Variants in NRG3 observed in about 807,000 individuals in gnomAD.
NRG3 encodes the protein neuregulin 3, also known as pro-neuregulin-3, membrane-bound isoform.
A neutral mutation model predicts 66.9 loss-of-function variants in NRG3; 31 were observed. That is an observed-to-expected ratio of 0.46 (90% CI 0.35 to 0.63). The LOEUF is 0.63. NRG3 is among the 20% of genes least tolerant of loss of function. The pLI, the probability that NRG3 is intolerant of heterozygous loss-of-function variation, is 0.00. For synonymous variants in NRG3, 393 were observed against 359.4 expected, an observed-to-expected ratio of 1.09 and a Z score of -1.06; for missense variants, 910 against 878.9, an observed-to-expected ratio of 1.04 and a Z score of -0.45.
At chr10:82,652,586 G>A (rs560125576) in intron 2 of NRG3, among the ~76,000 whole-genome samples, 1 of 152,230 alleles carries the variant, frequency 6.6e-6, no homozygotes, top group East Asian at 1.9e-4. Flanking sequence ...CTCTCTGCTG[G>A]CTGAGCCTGG....
chr10:82,026,730 T>C (rs1564749008), intron 1 of NRG3, among the ~76,000 whole-genome samples: 1 of 151,968 alleles, frequency 6.6e-6, no homozygotes, highest in Non-Finnish European at 1.5e-5. Context: ...AACCTTCTTA[T>C]TTCTGAAAAA....
chr10:82,669,789 G>A (rs928027313), intron 2 of NRG3, among the ~76,000 whole-genome samples: 5 of 151,944 alleles, frequency 3.3e-5, no homozygotes, highest in Admixed American at 6.6e-5. Flanking sequence ...TAAGCCGGGC[G>A]TGGTGGTGGG....
chr10:82,551,602 T>C (rs1274807869), intron 2 of NRG3, among the ~76,000 whole-genome samples: 3 of 123,584 alleles, frequency 2.4e-5, no homozygotes, highest in Non-Finnish European at 3.2e-5. Flanking sequence ...TATTTTAAAA[T>C]ACTGTTTTTT....
rs1288578801 is a variant in NRG3, at chr10:82,068,003, C to CTGTAAG, written c.823+191841_823+191842insGTAAGT. Among the ~76,000 whole-genome samples the CTGTAAG allele has an allele frequency of 7.2e-5, 11 of 152,180 alleles. No homozygotes were observed. The East Asian group carries it at 2.1e-3, about 29-fold the overall frequency. On this transcript the variant is annotated intron_variant, in intron 1 of 8. Transcript: ENST00000372141. ...CTCTTTTTCCTTCTGACTTACATTC[C>CTGTAAG]TCCTCAAGCTACCTGTAAGTAATGA...
chr10:82,355,884 A>G lies in NRG3; in HGVS notation c.824-2855A>G, dbSNP rs1371673785. Among the ~76,000 whole-genome samples, 4 of 152,326 alleles carry G rather than the reference A, an allele frequency of 2.6e-5. No homozygotes were observed. The East Asian group carries it at 7.7e-4, about 29-fold the overall frequency. ...TTTACTTAGAGAATGATCATACCCA[A>G]TATTTTATTATTGTTTATTATATTG... On this transcript the variant is annotated intron_variant, in intron 1 of 8. Transcript: ENST00000372141.
chr10:82,871,641 T>C (rs1282745013), intron 4 of NRG3, among the ~76,000 whole-genome samples: 2 of 152,138 alleles, frequency 1.3e-5, no homozygotes, highest in African/African-American at 4.8e-5. Context: ...TTTATTTTGC[T>C]AGACTTATAC....
intron 2 of NRG3, among the ~76,000 whole-genome samples, chr10:82,564,865 A>T (rs78216024): frequency 2.6e-5 from 4 of 152,160 alleles, no homozygotes; most frequent in Non-Finnish European, 4.4e-5. Flanking sequence ...TAGAAAGCAT[A>T]CAAGACAAAA....
At chr10:82,936,797 AG>A (rs1427240207) in intron 4 of NRG3, among the ~76,000 whole-genome samples, 1 of 152,220 alleles carries the variant, frequency 6.6e-6, no homozygotes, top group Non-Finnish European at 1.5e-5. Flanking sequence ...AAGTAGAGGA[AG>A]ACAACTGTTA....
At chr10:82,457,391 G>A (rs930511027) in intron 2 of NRG3, among the ~76,000 whole-genome samples, 1 of 152,098 alleles carries the variant, frequency 6.6e-6, no homozygotes, top group Non-Finnish European at 1.5e-5. Flanking sequence ...TTCACAATAG[G>A]GTTCGCGCTC....
At chr10:82,437,914 G>A (rs1020047200) in intron 2 of NRG3, among the ~76,000 whole-genome samples, 1 of 152,238 alleles carries the variant, frequency 6.6e-6, no homozygotes, top group African/African-American at 2.4e-5. Flanking sequence ...AGCAAAGATG[G>A]GTACCTTTTC....
chr10:82,585,309 A>C (rs901247414), intron 2 of NRG3, among the ~76,000 whole-genome samples: 1 of 152,218 alleles, frequency 6.6e-6, no homozygotes, highest in Non-Finnish European at 1.5e-5. Flanking sequence ...AGATGAATAA[A>C]CTGAGGTCAT....
At chr10:82,685,192 T>C (rs1314741737) in intron 2 of NRG3, among the ~76,000 whole-genome samples, 14 of 152,196 alleles carry the variant, frequency 9.2e-5, no homozygotes, top group Non-Finnish European at 1.5e-4. Flanking sequence ...TGTTTTTTCC[T>C]ATTTATCATC....
intron 2 of NRG3, among the ~76,000 whole-genome samples, chr10:82,696,942 C>A (rs2055432606): frequency 6.6e-6 from 1 of 152,210 alleles, no homozygotes; most frequent in Non-Finnish European, 1.5e-5. Context: ...AACGTCCCTC[C>A]ATTGCATTTC....
In NRG3 at chr10:82,647,755, T is replaced by G. The variant is rs549949555; in HGVS notation, c.954-90822T>G. On this transcript the variant is annotated intron_variant, in intron 2 of 8. Coordinates refer to ENST00000372141, the MANE Select transcript of NRG3 (RefSeq NM_001010848.4). ...TTGATTTGCATTTTTTGATGGCCAG[T>G]GATGGTGAGCATTTTTTCATGTGTT... 2.8e-4 allele frequency among the ~76,000 whole-genome samples: 43 copies of G among 152,274 alleles called. No individual in the cohort carries two copies. The South Asian group carries it at 3.5e-3, about 12-fold the overall frequency.
At chr10:82,089,649 T>A (rs1012123330) in intron 1 of NRG3, among the ~76,000 whole-genome samples, 28 of 152,204 alleles carry the variant, frequency 1.8e-4, no homozygotes, top group African/African-American at 6.5e-4. Flanking sequence ...AGTTGAATAT[T>A]TGTTAAGTTT....
intron 3 of NRG3, among the ~76,000 whole-genome samples, chr10:82,740,179 C>A (rs7902005): frequency 6.6e-6 from 1 of 150,766 alleles, no homozygotes; most frequent in Non-Finnish European, 1.5e-5. Context: ...TCCCTTTCCC[C>A]CTTTCCTCCC....
chr10:82,916,382 G>A, intron 4 of NRG3, among the ~76,000 whole-genome samples: 1 of 152,164 alleles, frequency 6.6e-6, no homozygotes, highest in African/African-American at 2.4e-5. Context: ...AGCCTGGGAG[G>A]TCAAGGTTGT....
chr10:82,223,674 CACACACACAT>C (rs572874698), intron 1 of NRG3, among the ~76,000 whole-genome samples: 6,032 of 151,354 alleles, frequency 0.04, 162 homozygotes, highest in Middle Eastern at 0.12. Flanking sequence ...CACACACACA[CACACACACAT>C]ACACACCACC....
intron 1 of NRG3, among the ~76,000 whole-genome samples, chr10:82,227,109 A>G (rs1221444712): frequency 6.6e-6 from 1 of 152,182 alleles, no homozygotes; most frequent in East Asian, 1.9e-4. Context: ...TGGTCCAGAC[A>G]TGAGAAGGTC....
Sources: allele counts gnomAD v4.1 joint callset (sites outside exome capture counted in the v4.1 genomes callset), GRCh38; gene constraint gnomAD v4.1.1; transcripts MANE v1.5; gene names NCBI Gene and HGNC (gene_info 2026-07-23, HGNC 2026-07-21).